The following E2F3 variants were observed in gnomAD, a reference collection of about 807,000 sequenced individuals.
E2F3 encodes E2F transcription factor 3.
A neutral mutation model predicts 44.4 loss-of-function variants in E2F3; 11 were observed. The ratio of observed to expected loss-of-function variants is 0.25; its 90% CI spans 0.16 to 0.41. The LOEUF (loss-of-function observed/expected upper bound fraction) is 0.41. E2F3 is among the 10% of genes least tolerant of loss of function. The probability of loss-of-function intolerance (pLI) is 1.00; values close to 1 mark genes in which losing one functional copy is unlikely to be tolerated. For missense variants in E2F3, 487 were observed against 583.6 expected (o/e 0.83, Z 1.70); for synonymous variants, 249 against 253.0 (o/e 0.98, Z 0.15).
chr6:20,481,903 G>A (rs1274888322), intron 3 of E2F3, among the ~76,000 whole-genome samples: 1 of 152,094 alleles, frequency 6.6e-6, no homozygotes, highest in African/African-American at 2.4e-5. Flanking sequence ...CACTTTCTGG[G>A]TAAATTAAGG....
chr6:20,469,697 AAAG>A (rs999468814), intron 1 of E2F3, among the ~76,000 whole-genome samples: 6 of 152,174 alleles, frequency 3.9e-5, no homozygotes, highest in Non-Finnish European at 7.3e-5. Context: ...TTAGAAATCA[AAAG>A]AAGAAAAATG....
chr6:20,427,226 C>T (rs1760245691), intron 1 of E2F3, among the ~76,000 whole-genome samples: 2 of 152,200 alleles, frequency 1.3e-5, no homozygotes, highest in Non-Finnish European at 2.9e-5. Flanking sequence ...ATCACAAACC[C>T]TCCCTATGTC....
intron 1 of E2F3, among the ~76,000 whole-genome samples, chr6:20,472,025 A>AGC (rs1554140446): frequency 2.2e-5 from 3 of 138,358 alleles, no homozygotes; most frequent in East Asian, 4.3e-4. Flanking sequence ...CCCCCCCTCC[A>AGC]ACACACACAC....
At chr6:20,410,302 GTGAGGGGCAGC>G (rs1759630388) in intron 1 of E2F3, among the ~76,000 whole-genome samples, 1 of 152,220 alleles carries the variant, frequency 6.6e-6, no homozygotes, top group Non-Finnish European at 1.5e-5. Flanking sequence ...AAAAGGCATA[GTGAGGGGCAGC>G]TGAGTATAAG....
intron 1 of E2F3, among the ~76,000 whole-genome samples, chr6:20,454,264 C>G (rs1343329133): frequency 6.6e-6 from 1 of 152,182 alleles, no homozygotes; most frequent in African/African-American, 2.4e-5. Flanking sequence ...TGGACAAGCC[C>G]AACAATCTGA....
chr6:20,413,585 C>T (rs143656669), intron 1 of E2F3, among the ~76,000 whole-genome samples: 6 of 152,142 alleles, frequency 3.9e-5, no homozygotes, highest in Admixed American at 3.3e-4. Context: ...GATTCTCAAG[C>T]GGTTGAGAAT....
chr6:20,462,949 G>A (rs115229266), intron 1 of E2F3, among the ~76,000 whole-genome samples: 1 of 119,778 alleles, frequency 8.3e-6, no homozygotes, highest in Non-Finnish European at 1.6e-5. Context: ...CTGAGCTCAA[G>A]CAATCCTTCC....
chr6:20,405,910 T>A (rs1759479470), intron 1 of E2F3, among the ~76,000 whole-genome samples: 1 of 152,148 alleles, frequency 6.6e-6, no homozygotes, highest in Admixed American at 6.5e-5. Flanking sequence ...AAAGTTTGAT[T>A]TATTGTTTTT....
chr6:20,482,156 ATTTTGTTGACAG>A (rs963075121), intron 3 of E2F3, among the ~76,000 whole-genome samples: 19 of 152,222 alleles, frequency 1.2e-4, no homozygotes, highest in African/African-American at 3.9e-4. Flanking sequence ...ACATTTTGGA[ATTTTGTTGACAG>A]TTTGGTAACC....
chr6:20,426,548 T>A (rs1008902432), intron 1 of E2F3, among the ~76,000 whole-genome samples: 4 of 5,792 alleles, frequency 6.9e-4, no homozygotes, highest in African/African-American at 8.5e-4. Context: ...CTGAAATATC[T>A]TATTCCATTC....
chr6:20,441,382 C>A (rs1760768221), intron 1 of E2F3, among the ~76,000 whole-genome samples: 1 of 151,908 alleles, frequency 6.6e-6, no homozygotes, highest in Non-Finnish European at 1.5e-5. Context: ...TGTATAAGGC[C>A]CCATTTTGTT....
chr6:20,476,782 C>G (rs1407879895), intron 1 of E2F3, among the ~76,000 whole-genome samples: 1 of 152,204 alleles, frequency 6.6e-6, no homozygotes, highest in African/African-American at 2.4e-5. Context: ...GATGGCTCCC[C>G]AAGGAACAAA....
intron 1 of E2F3, among the ~76,000 whole-genome samples, chr6:20,460,242 A>G (rs561307755): frequency 6.6e-6 from 1 of 152,188 alleles, no homozygotes; most frequent in African/African-American, 2.4e-5. Flanking sequence ...ATTTTCACCA[A>G]TTTTACAAAT....
Position 20,443,268 on chromosome 6 carries a change from A to G in E2F3, c.394-36578A>G, listed in dbSNP as rs1157236346. Among the ~76,000 whole-genome samples the G allele has an allele frequency of 6.6e-5, 10 of 152,338 alleles. No homozygotes were observed. In the South Asian group the frequency reaches 2.1e-3, roughly 32 times the overall value. ...GAATTGTTCTGTGGGAATAGTCTGC[A>G]TATAGTGATTCTGCATTCCAACATC... is the stretch of plus-strand genomic sequence containing the variant. On this transcript the variant is annotated intron_variant, in intron 1 of 6. Transcript: ENST00000346618.
intron 1 of E2F3, among the ~76,000 whole-genome samples, chr6:20,426,468 A>G (rs1760218640): frequency 6.6e-6 from 1 of 152,200 alleles, no homozygotes; most frequent in African/African-American, 2.4e-5. Flanking sequence ...TGAGAGGTAA[A>G]TGAATAATTA....
chr6:20,410,804 T>C (rs751445101), intron 1 of E2F3, among the ~76,000 whole-genome samples: 4 of 152,192 alleles, frequency 2.6e-5, no homozygotes, highest in Admixed American at 6.5e-5. Context: ...GTATTTTTAG[T>C]AGGGACGGGG....
chr6:20,408,521 A>T (rs1759565215), intron 1 of E2F3, among the ~76,000 whole-genome samples: 1 of 152,250 alleles, frequency 6.6e-6, no homozygotes, highest in South Asian at 2.1e-4. Flanking sequence ...TTTGTCTACA[A>T]TATAACTTTT....
At chr6:20,404,956 T>C (rs751039063) in intron 1 of E2F3, among the ~76,000 whole-genome samples, 7 of 152,234 alleles carry the variant, frequency 4.6e-5, no homozygotes, top group Non-Finnish European at 7.3e-5. Flanking sequence ...CAACCAGCTA[T>C]TGACATACTT....
chr6:20,403,945 G>T, intron 1 of E2F3: 1 of 584,498 alleles, frequency 1.7e-6, no homozygotes, highest in Non-Finnish European at 2.9e-6. Context: ...TGGGAACGGG[G>T]GGTTGGGTGC....
Sources: allele counts gnomAD v4.1 joint callset (sites outside exome capture counted in the v4.1 genomes callset), GRCh38; gene constraint gnomAD v4.1.1; transcripts MANE v1.5; gene names NCBI Gene and HGNC (gene_info 2026-07-23, HGNC 2026-07-21).